Variants in PDCD1LG2 observed in about 807,000 individuals in gnomAD.
PDCD1LG2 encodes B7 dendritic cell molecule.
PDCD1LG2 carries 32 observed loss-of-function variants against 28.2 expected under a neutral mutation model. The observed-to-expected ratio is 1.13, with a 90% CI of 0.86 to 1.52. The LOEUF is 1.52. PDCD1LG2 is among the 40% of genes most tolerant of loss of function. The probability of loss-of-function intolerance (pLI) is 0.00; values close to 1 mark genes in which losing one functional copy is unlikely to be tolerated. For synonymous variants in PDCD1LG2, 116 were observed against 120.2 expected (o/e 0.97, Z 0.23); for missense variants, 385 against 323.8 (o/e 1.19, Z -1.45).
At chr9:5,559,025 T>C (rs559149764) in intron 5 of PDCD1LG2, among the ~76,000 whole-genome samples, 26 of 152,288 alleles carry the variant, frequency 1.7e-4, no homozygotes, top group Non-Finnish European at 3.1e-4. Context: ...CTCACACCCA[T>C]ACCTCAGGGT....
intron 3 of PDCD1LG2, among the ~76,000 whole-genome samples, chr9:5,546,485 T>G (rs957275763): frequency 2.0e-5 from 3 of 152,196 alleles, no homozygotes; most frequent in African/African-American, 7.2e-5. Context: ...CGGGTACTGT[T>G]TGATTATGAA....
At chr9:5,544,728 G>A (rs747720575) in intron 3 of PDCD1LG2, among the ~76,000 whole-genome samples, 7 of 137,950 alleles carry the variant, frequency 5.1e-5, no homozygotes, top group Non-Finnish European at 7.8e-5. Flanking sequence ...GGACAACGAA[G>A]GCTGGCTGAT....
intron 5 of PDCD1LG2, among the ~76,000 whole-genome samples, chr9:5,561,428 T>C (rs1054448535): frequency 1.3e-5 from 2 of 152,224 alleles, no homozygotes; most frequent in African/African-American, 4.8e-5. Context: ...GTTATATGAC[T>C]TCCCAAAGTC....
intron 3 of PDCD1LG2, among the ~76,000 whole-genome samples, chr9:5,547,954 AAAAG>A (rs1816247012): frequency 1.3e-5 from 2 of 151,814 alleles, no homozygotes; most frequent in African/African-American, 4.8e-5. Context: ...AAAAAAAAAA[AAAAG>A]AATAAATCAA....
intron 2 of PDCD1LG2, among the ~76,000 whole-genome samples, chr9:5,526,566 T>G (rs1329950359): frequency 6.6e-6 from 1 of 152,122 alleles, no homozygotes; most frequent in Non-Finnish European, 1.5e-5. Flanking sequence ...ATCTCCTGAG[T>G]AGCTAGGACT....
chr9:5,565,049 A>G (rs908152408), intron 6 of PDCD1LG2, among the ~76,000 whole-genome samples: 1 of 152,254 alleles, frequency 6.6e-6, no homozygotes, highest in African/African-American at 2.4e-5. Flanking sequence ...GGTGAGGAAG[A>G]AAAACATGAA....
chr9:5,550,780 G>C (rs1160850974), intron 4 of PDCD1LG2, among the ~76,000 whole-genome samples: 1 of 151,724 alleles, frequency 6.6e-6, no homozygotes, highest in Admixed American at 6.6e-5. Flanking sequence ...TGCAACCCCT[G>C]CCTCCCGGGT....
intron 1 of PDCD1LG2, among the ~76,000 whole-genome samples, chr9:5,515,690 C>T (rs1198751339): frequency 2.6e-5 from 4 of 151,856 alleles, no homozygotes; most frequent in African/African-American, 7.3e-5. Context: ...TTTGGGAGGC[C>T]GAGGCGGGTG....
At position 5,570,515 on chromosome 9, in the gene PDCD1LG2, A is replaced by G. The variant is rs1816750316; in HGVS notation, c.*556A>G. The G allele has an allele frequency of 4.3e-6, 1 of 233,360 alleles. No individual in the cohort carries two copies. The allele number at this position is 233,360 out of a possible 1,614,324, so 14.5% of individuals were successfully genotyped here. On this transcript the variant is annotated 3_prime_UTR_variant, in exon 7 of 7. Coordinates refer to ENST00000397747, the MANE Select transcript of PDCD1LG2 (RefSeq NM_025239.4). The stretch of plus-strand genomic sequence containing the variant: ...CTTGATAGCATAATGAAGTTGTTCT[A>G]ATTAACAGAGAGCATTTAAATATAC...
At chr9:5,527,243 A>G (rs918844299) in intron 2 of PDCD1LG2, among the ~76,000 whole-genome samples, 7 of 152,226 alleles carry the variant, frequency 4.6e-5, no homozygotes, top group Admixed American at 2.6e-4. Flanking sequence ...GCATAGTCCT[A>G]TAACTACCAC....
At position 5,549,495 on chromosome 9, in the gene PDCD1LG2, C is replaced by G. The variant is rs1298311904; in HGVS notation, c.522C>G (p.Tyr174Ter). The change falls in exon 4 of 7, where the codon TAC becomes TAG. Residue 174 changes from tyrosine to a stop codon, truncating the protein, a stop_gained. Transcript: ENST00000397747. LOFTEE classifies it high-confidence loss of function. ...ACTCCAGGACCCCTGAAGGCCTCTACCAGGTCACCAGTGTTCTGCGCCTAA... is the reference window on the plus strand; with the variant it reads ...ACTCCAGGACCCCTGAAGGCCTCTAGCAGGTCACCAGTGTTCTGCGCCTAA... ...TSHSRTPEGL[Y>*]QVTSVLRLKP... 1 of 1,614,204 alleles carries G rather than the reference C, an allele frequency of 6.2e-7. No individual in the cohort carries two copies. Among genetic ancestry groups the G allele is most frequent in the African/African-American group, 1.3e-5 (1 of 75,040 alleles).
intron 1 of PDCD1LG2, among the ~76,000 whole-genome samples, chr9:5,516,518 G>A (rs1820167196): frequency 6.6e-6 from 1 of 152,214 alleles, no homozygotes; most frequent in South Asian, 2.1e-4. Flanking sequence ...TGGCTTGAAG[G>A]TTGGGTTTCA....
intron 2 of PDCD1LG2, among the ~76,000 whole-genome samples, chr9:5,529,122 CTG>C (rs1242495876): frequency 2.6e-5 from 4 of 152,174 alleles, no homozygotes; most frequent in African/African-American, 7.2e-5. Flanking sequence ...ATTTTCTTAA[CTG>C]TGTCTTTTGC....
chr9:5,563,010 C>T (rs1340272053), intron 5 of PDCD1LG2, 152 bp from the exon 6 acceptor site: 9 of 648,320 alleles, frequency 1.4e-5, no homozygotes, highest in Admixed American at 2.8e-5. Context: ...TTGCTTTATG[C>T]ATTACCATCC....
chr9:5,524,947 C>T (rs1426190293), intron 2 of PDCD1LG2, among the ~76,000 whole-genome samples: 1 of 152,160 alleles, frequency 6.6e-6, no homozygotes, highest in Non-Finnish European at 1.5e-5. Flanking sequence ...CCTTGTACAG[C>T]CCCAGACCTG....
At chr9:5,523,661 G>A (rs1820318838) in intron 2 of PDCD1LG2, among the ~76,000 whole-genome samples, 1 of 152,198 alleles carries the variant, frequency 6.6e-6, no homozygotes, top group Non-Finnish European at 1.5e-5. Flanking sequence ...AAGGAACCCT[G>A]CCTGGCTGGC....
intron 3 of PDCD1LG2, among the ~76,000 whole-genome samples, chr9:5,547,396 C>A (rs982176347): frequency 3.9e-5 from 6 of 152,188 alleles, no homozygotes; most frequent in African/African-American, 9.7e-5. Flanking sequence ...CAACAGGTGA[C>A]TTTCCACACT....
chr9:5,549,597 C>A lies in PDCD1LG2; in HGVS notation c.624C>A (p.Asp208Glu), dbSNP rs2129878829. 1 of 1,614,126 alleles carries A rather than the reference C, an allele frequency of 6.2e-7. No individual in the cohort carries two copies. Among genetic ancestry groups the A allele is most frequent in the East Asian group, 2.2e-5 (1 of 44,886 alleles). Residue 208 changes from aspartate (D) to glutamate (E), a missense_variant, in exon 4 of 7, where the codon GAC becomes GAA. Transcript: ENST00000397747. ...HVRELTLASI[D>E]LQSQMEPRTH... The stretch of plus-strand genomic sequence containing the variant: ...GGGAACTTACTTTGGCCAGCATTGA[C>A]CTTCAAAGTAAGAGCTGCCCCCACT...
intron 1 of PDCD1LG2, among the ~76,000 whole-genome samples, chr9:5,518,583 T>A (rs896519053): frequency 6.6e-6 from 1 of 152,236 alleles, no homozygotes; most frequent in African/African-American, 2.4e-5. Flanking sequence ...AGGTATGCCA[T>A]GAGCATTTCC....
Sources: gnomAD v4.1 joint callset for allele counts (sites outside exome capture counted in the v4.1 genomes callset) on GRCh38, gnomAD v4.1.1 for gene constraint, MANE v1.5 for transcripts, NCBI Gene and HGNC (gene_info 2026-07-23, HGNC 2026-07-21) for gene names.